The following ROS1 variants were observed in gnomAD, a reference collection of about 807,000 sequenced individuals.
ROS1 encodes the protein ROS proto-oncogene 1, receptor tyrosine kinase.
In ROS1, 263 loss-of-function variants were observed where a neutral mutation model predicts 273.5. The ratio of observed to expected loss-of-function variants is 0.96; its 90% CI spans 0.87 to 1.06. ROS1 has a LOEUF of 1.06. Ranked by LOEUF, ROS1 falls within the 50% of genes least tolerant of loss-of-function variation. The pLI, the probability that ROS1 is intolerant of heterozygous loss-of-function variation, is 0.00. For missense variants in ROS1, 2,833 were observed against 2,751.1 expected (o/e 1.03, Z -0.67); for synonymous variants, 1,008 against 954.1 (o/e 1.06, Z -1.04).
At chr6:117,332,203 T>G (rs934522758) in intron 32 of ROS1, among the ~76,000 whole-genome samples, 1 of 148,888 alleles carries the variant, frequency 6.7e-6, no homozygotes, top group South Asian at 2.1e-4. Flanking sequence ...TCCTAGTCTC[T>G]GACAAAACAG....
At chr6:117,335,996 A>G (rs114790094) in intron 32 of ROS1, among the ~76,000 whole-genome samples, 2,707 of 152,268 alleles carry the variant, frequency 0.018, 89 homozygotes, top group African/African-American at 0.061. Context: ...AAATATTCTT[A>G]TATGATTACA....
In ROS1 at chr6:117,344,053, A is replaced by T. The variant is rs1778167487; in HGVS notation, c.4506+7T>A. 1 of 1,604,406 alleles carries T rather than the reference A, an allele frequency of 6.2e-7. No individual in the cohort carries two copies. The highest frequency in any genetic ancestry group is 8.5e-7 in the Non-Finnish European group (1 of 1,171,280). ...GAAAAGACAAAGACCACTAGTTCCA[A>T]TCTTACCAGAATTCTATATTTCAAG... On this transcript the variant is annotated splice_region_variant and intron_variant, in intron 28 of 43. Coordinates refer to ENST00000368507, the MANE Select transcript of ROS1 (RefSeq NM_001378902.1).
intron 1 of ROS1, among the ~76,000 whole-genome samples, chr6:117,423,473 C>T (rs1233107140): frequency 1.3e-5 from 2 of 152,160 alleles, no homozygotes; most frequent in African/African-American, 4.8e-5. Context: ...AAGGATCTCA[C>T]AATACTAGAG....
intron 39 of ROS1, among the ~76,000 whole-genome samples, chr6:117,311,367 G>C (rs1775534276): frequency 6.6e-6 from 1 of 151,992 alleles, no homozygotes; most frequent in Non-Finnish European, 1.5e-5. Context: ...ATCTTTATTG[G>C]AAAGACCTCC....
rs1766824259 is a variant in ROS1 at position 117,389,530 on chromosome 6, C to T, written c.1606G>A (p.Glu536Lys). 1 of 1,614,168 alleles carries T rather than the reference C, an allele frequency of 6.2e-7. No homozygotes were observed. The highest frequency in any genetic ancestry group is 8.5e-7 in the Non-Finnish European group (1 of 1,180,034). ...CTCAGGTCACATCCCACGATGAATTCATTAAAAGACAAAGCATCCTGTTGG... is the reference window on the plus strand; with the variant it reads ...CTCAGGTCACATCCCACGATGAATTTATTAAAAGACAAAGCATCCTGTTGG... ...IFQQDALSFN[E>K]FIVGCDLSHI... is the part of the protein sequence containing the mutation. The change falls in exon 13 of 44, where the codon GAA becomes AAA. Residue 536 changes from glutamate to lysine, a missense_variant. Transcript: ENST00000368507.
chr6:117,369,443 G>C (rs1007023868), intron 18 of ROS1, among the ~76,000 whole-genome samples: 1 of 152,020 alleles, frequency 6.6e-6, no homozygotes, highest in Non-Finnish European at 1.5e-5. Context: ...GCGTGTTGGC[G>C]GGCGCCTGTA....
At position 117,365,039 on chromosome 6, in the gene ROS1, G is replaced by A. The variant is rs373643149; in HGVS notation, c.3103+21C>T. The A allele has an allele frequency of 1.9e-6, 3 of 1,603,560 alleles. No individual in the cohort carries two copies. The Admixed American group carries it at 5.3e-5, about 28-fold the overall frequency. The stretch of plus-strand genomic sequence containing the variant: ...GAGATTCTGCTTTTTTAAGAAAAAA[G>A]ACAGATTTTAACCCCTGTACCTGTT... On this transcript the variant is annotated intron_variant, in intron 21 of 43. Transcript: ENST00000368507.
At chr6:117,416,656 T>C (rs1775359636) in intron 2 of ROS1, among the ~76,000 whole-genome samples, 1 of 152,158 alleles carries the variant, frequency 6.6e-6, no homozygotes, top group Non-Finnish European at 1.5e-5. Context: ...CAGGACAATG[T>C]GGCATTGGTA....
chr6:117,416,716 G>A (rs990854113), intron 2 of ROS1, among the ~76,000 whole-genome samples: 1 of 152,112 alleles, frequency 6.6e-6, no homozygotes, highest in African/African-American at 2.4e-5. Flanking sequence ...ACTCAAAACT[G>A]GTGATTCAAC....
At position 117,389,653 on chromosome 6, in the gene ROS1, C is replaced by T. The variant is rs1772887946; in HGVS notation, c.1483G>A (p.Ala495Thr). The stretch of plus-strand genomic sequence containing the variant: ...ATGCGAGGTAGGATGAGATGGGAAG[C>T]AGAGCCATCCAGAAATGTTGACATG... ...VFMSTFLDGS[A>T]SHLILPRIPF... Residue 495 changes from alanine to threonine, a missense_variant, in exon 13 of 44, where the codon GCT (alanine) becomes ACT (threonine). Physicochemically the swap from Ala to Thr is moderately conservative, Grantham distance 58. Coordinates refer to ENST00000368507, the MANE Select transcript of ROS1 (RefSeq NM_001378902.1). 1 of 1,614,068 alleles carries T rather than the reference C, an allele frequency of 6.2e-7. No homozygotes were observed. The highest frequency in any genetic ancestry group is 1.7e-5 in the Admixed American group (1 of 60,006).
At position 117,321,268 on chromosome 6, in the gene ROS1, T is replaced by C. The variant is rs149066655; in HGVS notation, c.5750A>G (p.Tyr1917Cys). 19 of 1,613,610 alleles carry C rather than the reference T, an allele frequency of 1.2e-5. No homozygotes were observed. Among genetic ancestry groups the C allele is most frequent in the African/African-American group, 2.7e-5 (2 of 74,900 alleles). Residue 1917 changes from tyrosine to cysteine, a missense_variant, in exon 36 of 44, where the codon TAT (tyrosine) becomes TGT (cysteine). Transcript: ENST00000368507. ...AAGVGLANAC[Y>C]AIHTLPTQEE... ...GGCCAAAGCTACATACTGTATTGCA[T>C]AGCAGGCATTAGCCAGGCCTACTCC...
chr6:117,336,878 A>G (rs1777518958), intron 32 of ROS1, among the ~76,000 whole-genome samples: 1 of 152,106 alleles, frequency 6.6e-6, no homozygotes, highest in Admixed American at 6.6e-5. Flanking sequence ...ACATTCAGTA[A>G]CACTATTTTC....
intron 43 of ROS1, among the ~76,000 whole-genome samples, chr6:117,291,487 A>G (rs1384680369): frequency 6.6e-6 from 1 of 152,166 alleles, no homozygotes; most frequent in African/African-American, 2.4e-5. Flanking sequence ...TTGGTAACAT[A>G]ACTGGGGATA....
chr6:117,371,199 C>T (rs1170482465), intron 18 of ROS1, among the ~76,000 whole-genome samples: 7 of 152,132 alleles, frequency 4.6e-5, no homozygotes, highest in African/African-American at 2.4e-5. Context: ...AATCCACAGA[C>T]GCTTTGAAGG....
At chr6:117,342,971 C>T (rs1156448593) in intron 28 of ROS1, among the ~76,000 whole-genome samples, 1 of 152,122 alleles carries the variant, frequency 6.6e-6, no homozygotes, top group African/African-American at 2.4e-5. Flanking sequence ...TGGTTCTCAA[C>T]TTTGTTTATA....
rs2128616998 is a variant in ROS1, at chr6:117,337,249, G to C, written c.5153C>G (p.Ser1718Ter). ...AACCACCACTACTCTGACATTATAT[G>C]AAGTATAAGGTTGTAGATTTGTGAT... ...CNITNLQPYT[S>*]YNVRVVVVYK... is the part of the protein sequence containing the mutation. Residue 1718 changes from serine (S) to a stop codon, truncating the protein, a stop_gained, in exon 32 of 44, where the codon TCA becomes TGA. Coordinates refer to ENST00000368507, the MANE Select transcript of ROS1 (RefSeq NM_001378902.1). LOFTEE classifies it high-confidence loss of function. 1 of 1,611,878 alleles carries C rather than the reference G, an allele frequency of 6.2e-7. No individual in the cohort carries two copies. Among genetic ancestry groups the C allele is most frequent in the East Asian group, 2.2e-5 (1 of 44,776 alleles).
intron 7 of ROS1, among the ~76,000 whole-genome samples, chr6:117,399,167 A>C (rs917344845): frequency 6.6e-6 from 1 of 152,222 alleles, no homozygotes; most frequent in African/African-American, 2.4e-5. Context: ...CACAGAGGGT[A>C]TGTGAGCTTG....
intron 6 of ROS1, 125 bp from the exon 7 acceptor site, chr6:117,403,402 G>C: frequency 1.0e-6 from 1 of 954,672 alleles, no homozygotes; most frequent in Non-Finnish European, 1.5e-6. Flanking sequence ...GAGGCCTGGA[G>C]CTTAGAGCTA....
chr6:117,343,792 G>A (rs1234926029), intron 28 of ROS1, among the ~76,000 whole-genome samples: 1 of 152,060 alleles, frequency 6.6e-6, no homozygotes, highest in Non-Finnish European at 1.5e-5. Context: ...AATCAGGGAG[G>A]GGAATAAACC....
Sources: gnomAD v4.1 joint callset for allele counts (sites outside exome capture counted in the v4.1 genomes callset) on GRCh38, gnomAD v4.1.1 for gene constraint, MANE v1.5 for transcripts, NCBI Gene and HGNC (gene_info 2026-07-23, HGNC 2026-07-21) for gene names.